The following ANO9 variants were observed in gnomAD, a reference collection of about 807,000 sequenced individuals.
The protein encoded by ANO9 is anoctamin 9.
ANO9 carries 80 observed loss-of-function variants against 100.5 expected under a neutral mutation model. The observed-to-expected ratio is 0.80, with a 90% CI of 0.66 to 0.96. ANO9 has a LOEUF of 0.96. Ranked by LOEUF, ANO9 falls within the 40% of genes least tolerant of loss-of-function variation. The pLI is 0.00. For missense variants in ANO9, 1,064 were observed against 1,072.7 expected, an observed-to-expected ratio of 0.99 and a Z score of 0.11; for synonymous variants, 473 against 435.6, an observed-to-expected ratio of 1.09 and a Z score of -1.07.
intron 15 of ANO9, among the ~76,000 whole-genome samples, chr11:425,633 ACAGT>A (rs1386173276): frequency 6.6e-6 from 1 of 151,692 alleles, no homozygotes; most frequent in Non-Finnish European, 1.5e-5. Flanking sequence ...GATAATATGA[ACAGT>A]CAATTCATAG....
At chr11:431,660 G>T (rs374084732) in intron 7 of ANO9, 34 bp downstream of exon 7, 5 of 1,608,922 alleles carry the variant, frequency 3.1e-6, no homozygotes, top group Non-Finnish European at 4.2e-6. Flanking sequence ...GGGGCCGTCC[G>T]CGGGGTTCCT....
intron 3 of ANO9, 144 bp downstream of exon 3, chr11:433,671 C>G: frequency 7.0e-7 from 1 of 1,431,832 alleles, no homozygotes; most frequent in Non-Finnish European, 9.2e-7. Context: ...AGGAGAGAGC[C>G]TCCAAGCCTG....
Position 428,499 on chromosome 11 carries a change from A to G in ANO9, c.1161T>C (p.Tyr387=). 1 of 1,612,616 alleles carries G rather than the reference A, an allele frequency of 6.2e-7. No homozygotes were observed. The highest frequency in any genetic ancestry group is 8.5e-7 in the Non-Finnish European group (1 of 1,179,860). ...CCTTGGTCATGATGATGATGGTCAC[A>G]TAGTGCACCAGAGCCCCGGTCACCA... ...AVVVTGALVH[Y]VTIIIMTKIN... The change falls in exon 13 of 23, where the codon TAT becomes TAC. Residue 387 remains tyrosine, a synonymous_variant. Transcript: ENST00000332826.
Position 433,530 on chromosome 11 carries a change from C to CGCTCTAT in ANO9, c.205-72_205-71insATAGAGC. The CGCTCTAT allele has an allele frequency of 3.8e-6, 6 of 1,592,066 alleles. No homozygotes were observed. In the East Asian group the frequency reaches 6.7e-5, roughly 18 times the overall value. ...CTCTATCCCGCCTCAGAACCCTCCC[C>CGCTCTAT]CCTCTATTCCACCTCAGAACCCTCC... On this transcript the variant is annotated intron_variant, in intron 3 of 22. Transcript: ENST00000332826.
rs114405390 is a variant in ANO9, at chr11:419,706, T to C, written c.1810A>G (p.Thr604Ala). Residue 604 changes from threonine to alanine, a missense_variant, in exon 20 of 23, where the codon ACC becomes GCC. Thr to Ala is a moderately conservative substitution (Grantham distance 58). Transcript: ENST00000332826. ...GCAATGACCGCCAGCACACCGATGG[T>C]CTCCAGCACCTGCAGCCAGGTCCCT... is the stretch of plus-strand genomic sequence containing the variant. ...DIGTWLQVLETIGVLAVIANG... is the reference protein window; with the variant it reads ...DIGTWLQVLEAIGVLAVIANG... 0.03 allele frequency: 47,756 copies of C among 1,603,174 alleles called. 888 individuals carry two copies. Among genetic ancestry groups the C allele is most frequent in the Admixed American group, 0.034 (2,040 of 59,414 alleles).
At position 430,134 on chromosome 11, in the gene ANO9, G is replaced by T; in HGVS notation, c.720C>A (p.Gly240=). The T allele has an allele frequency of 6.4e-7, 1 of 1,553,834 alleles. No individual in the cohort carries two copies. The highest frequency in any genetic ancestry group is 2.4e-5 in the East Asian group (1 of 41,030). ...GCCGCTGGTACCTGCGGCTGTGGTC[G>T]CCGAGGGGACACATGAGGATGTCGT... The part of the protein sequence containing the change: ...EAHDILMCPL[G]DHSRRYQRLS... The change falls in exon 9 of 23, where the codon GGC becomes GGA. Residue 240 remains glycine, a synonymous_variant. Coordinates refer to ENST00000332826, the MANE Select transcript of ANO9 (RefSeq NM_001012302.3).
Position 428,455 on chromosome 11 carries a change from T to C in ANO9, c.1185+20A>G. ...TCCGGTGGACCCCCCAGCTCGGGCC[T>C]GCCCTGCTCCCGGCCCCACCTTGGT... On this transcript the variant is annotated intron_variant, in intron 13 of 22. Coordinates refer to ENST00000332826, the MANE Select transcript of ANO9 (RefSeq NM_001012302.3). 6.2e-7 allele frequency: 1 copy of C among 1,612,434 alleles called. No individual in the cohort carries two copies. Among genetic ancestry groups the C allele is most frequent in the Non-Finnish European group, 8.5e-7 (1 of 1,179,770 alleles).
At chr11:419,101 GC>G (rs1848017944) in intron 20 of ANO9, 112 bp from the exon 21 acceptor site, 1 of 1,543,584 alleles carries the variant, frequency 6.5e-7, no homozygotes, top group Admixed American at 1.9e-5. Flanking sequence ...TGGGGGCCAC[GC>G]CACAGACTGC....
In ANO9 at chr11:418,938, G is replaced by A; in HGVS notation, c.1986C>T (p.Asp662=). The change falls in exon 21 of 23, where the codon GAC becomes GAT. Residue 662 remains aspartate, a synonymous_variant. Coordinates refer to ENST00000332826, the MANE Select transcript of ANO9 (RefSeq NM_001012302.3). The part of the protein sequence containing the change: ...NHSLSVFHTK[D]FQDPDGIEGS... ...CCTCAATCCCATCAGGGTCCTGGAA[G>A]TCCTTGGTGTGGAAGACGGACAGGC... 6.2e-7 allele frequency: 1 copy of A among 1,613,532 alleles called. No homozygotes were observed. The highest frequency in any genetic ancestry group is 1.3e-5 in the African/African-American group (1 of 75,002).
At chr11:419,170 G>A in intron 20 of ANO9, 181 bp from the exon 21 acceptor site, 3 of 1,435,142 alleles carry the variant, frequency 2.1e-6, no homozygotes, top group Non-Finnish European at 9.1e-7. Context: ...GGCCTTGTGG[G>A]GACTGTGGGG....
At chr11:427,435 T>C (rs909316850) in intron 15 of ANO9, among the ~76,000 whole-genome samples, 2 of 152,108 alleles carry the variant, frequency 1.3e-5, no homozygotes, top group African/African-American at 4.8e-5. Context: ...CATCAATCCA[T>C]ATGCACCTTT....
Position 428,559 on chromosome 11 carries a change from C to T in ANO9, c.1101G>A (p.Val367=). The T allele has an allele frequency of 6.2e-7, 1 of 1,612,672 alleles. No homozygotes were observed. Among genetic ancestry groups the T allele is most frequent in the Non-Finnish European group, 8.5e-7 (1 of 1,179,926 alleles). ...LASALFSSSA[V]PFLEEQVTTA... ...TGGTCACCTGCTCCTCCAGGAAGGG[C>T]ACGGCCGAGCTGCTGAAGAGCGCGG... is the stretch of plus-strand genomic sequence containing the variant. The change falls in exon 13 of 23, where the codon GTG becomes GTA. Residue 367 remains valine, a synonymous_variant. Transcript: ENST00000332826.
chr11:433,691 GC>G, intron 3 of ANO9, 123 bp downstream of exon 3: 1 of 1,443,028 alleles, frequency 6.9e-7, no homozygotes, highest in Non-Finnish European at 9.1e-7. Flanking sequence ...GGCCCTCCGT[GC>G]CGCCATGACC....
At chr11:423,173 C>T (rs1169414663) in intron 15 of ANO9, among the ~76,000 whole-genome samples, 1 of 152,150 alleles carries the variant, frequency 6.6e-6, no homozygotes, top group Non-Finnish European at 1.5e-5. Flanking sequence ...TTCTGACATT[C>T]ATCTGAAAGA....
chr11:420,916 C>T (rs775894278), intron 17 of ANO9, 29 bp downstream of exon 17: 3 of 1,597,996 alleles, frequency 1.9e-6, no homozygotes, highest in Non-Finnish European at 2.6e-6. Context: ...GCCTGGGGCT[C>T]CCGGGGCTGG....
At chr11:440,044 C>G (rs1396338160) in intron 1 of ANO9, among the ~76,000 whole-genome samples, 3 of 152,166 alleles carry the variant, frequency 2.0e-5, no homozygotes, top group Non-Finnish European at 4.4e-5. Context: ...AAAATGGGGG[C>G]AGCATTCCCG....
At position 418,012 on chromosome 11, in the gene ANO9, A is replaced by T. The variant is rs1174618567; in HGVS notation, c.*359T>A. The T allele has an allele frequency of 3.5e-6, 1 of 288,090 alleles. No homozygotes were observed. The highest frequency in any genetic ancestry group is 6.5e-6 in the Non-Finnish European group (1 of 153,284). The allele number at this position is 288,090 out of a possible 1,614,324, so 17.8% of individuals were successfully genotyped here. The stretch of plus-strand genomic sequence containing the variant: ...AGCGAGGTGGGCTCAGGACACCCCC[A>T]ACAGCCAGGATGGGGGCACGGCAGG... On this transcript the variant is annotated 3_prime_UTR_variant, in exon 23 of 23. Transcript: ENST00000332826.
rs939194104 is a variant in ANO9, at chr11:421,892, G to A, written c.1335-694C>T. Among the ~76,000 whole-genome samples, 1 of 152,152 alleles carries A rather than the reference G, an allele frequency of 6.6e-6. No homozygotes were observed. Among genetic ancestry groups the A allele is most frequent in the South Asian group, 2.1e-4 (1 of 4,832 alleles). ...GCTCACGACAACTGGTATTTAACACGGTTCTGGAATTCCTTGCAAATAAGC... is the reference window on the plus strand; with the variant it reads ...GCTCACGACAACTGGTATTTAACACAGTTCTGGAATTCCTTGCAAATAAGC... On this transcript the variant is annotated intron_variant, in intron 15 of 22. Coordinates refer to ENST00000332826, the MANE Select transcript of ANO9 (RefSeq NM_001012302.3). This position sits in a 1 kb window ranked among gnomAD's most constrained non-coding sequence, Gnocchi z 6.8.
rs997496360 is a variant in ANO9 at position 421,299 on chromosome 11, C to T, written c.1335-101G>A. ...GCGGGTAGGAAAGACACAGAACAGG[C>T]GGGGCAGGCCCTGCAGGTGAGCGGG... is the stretch of plus-strand genomic sequence containing the variant. On this transcript the variant is annotated intron_variant, in intron 15 of 22. Coordinates refer to ENST00000332826, the MANE Select transcript of ANO9 (RefSeq NM_001012302.3). The surrounding 1 kb of genome is among the most constrained non-coding windows in gnomAD (Gnocchi z 6.8). The T allele has an allele frequency of 3.9e-6, 5 of 1,288,818 alleles. No individual in the cohort carries two copies. The highest frequency in any genetic ancestry group is 3.0e-5 in the Admixed American group (1 of 32,890). The allele number at this position is 1,288,818 out of a possible 1,614,324, so 79.8% of individuals were successfully genotyped here.
Sources: gnomAD v4.1 joint callset for allele counts (sites outside exome capture counted in the v4.1 genomes callset) on GRCh38, gnomAD v4.1.1 for gene constraint, Gnocchi (gnomAD v3.1) non-coding constraint, MANE v1.5 for transcripts, NCBI Gene and HGNC (gene_info 2026-07-23, HGNC 2026-07-21) for gene names.